Variants in ARID2 observed in about 807,000 individuals in gnomAD.
The protein encoded by ARID2 is AT-rich interaction domain 2, also known as AT-rich interactive domain-containing protein 2.
ARID2 carries 32 observed loss-of-function variants against 184.6 expected under a neutral mutation model. The ratio of observed to expected loss-of-function variants is 0.17; its 90% CI spans 0.13 to 0.23. The LOEUF (loss-of-function observed/expected upper bound fraction) is 0.23, where lower values mean the gene tolerates loss of function less well. Ranked by LOEUF, ARID2 falls within the 10% of genes least tolerant of loss-of-function variation. The pLI is 1.00. For synonymous variants in ARID2, 836 were observed against 772.6 expected (o/e 1.08, Z -1.36); for missense variants, 1,696 against 2,197.6 (o/e 0.77, Z 4.56).
At chr12:45,801,164 T>C (rs547700502) in intron 3 of ARID2, among the ~76,000 whole-genome samples, 4 of 152,008 alleles carry the variant, frequency 2.6e-5, no homozygotes, top group African/African-American at 9.6e-5. Context: ...TACAAAAAAT[T>C]AGCCACGCGC....
chr12:45,730,391 G>T (rs1335892766), intron 2 of ARID2, among the ~76,000 whole-genome samples: 2 of 145,960 alleles, frequency 1.4e-5, no homozygotes, highest in African/African-American at 4.9e-5. Context: ...CCCGGTGCCC[G>T]GTCGGGCCGG....
intron 3 of ARID2, among the ~76,000 whole-genome samples, chr12:45,776,852 G>A (rs1305582651): frequency 1.4e-5 from 2 of 147,536 alleles, no homozygotes; most frequent in Admixed American, 7.0e-5. Flanking sequence ...CCGTGATCTC[G>A]GCTCACTGCA....
At position 45,850,942 on chromosome 12, in the gene ARID2, C is replaced by T. The variant is rs1340210304; in HGVS notation, c.2819C>T (p.Ala940Val). Residue 940 changes from alanine (A) to valine (V), a missense_variant, in exon 15 of 21, where the codon GCA becomes GTA. Ala to Val is a moderately conservative substitution (Grantham distance 64). Around this residue, in one of 11 missense-constraint regions of ARID2, gnomAD observed 713 missense variants for 824.4 expected, o/e 0.86. Coordinates refer to ENST00000334344, the MANE Select transcript of ARID2 (RefSeq NM_152641.4). ...SQPAQQGQTY[A>V]PAIHQIVLAN... ...CCAGCTCAACAAGGTCAAACTTATGCACCAGCCATTCACCAAATTGTTCTT... is the reference window on the plus strand; with the variant it reads ...CCAGCTCAACAAGGTCAAACTTATGTACCAGCCATTCACCAAATTGTTCTT... 3 of 1,614,182 alleles carry T rather than the reference C, an allele frequency of 1.9e-6. No homozygotes were observed. Among genetic ancestry groups the T allele is most frequent in the Middle Eastern group, 1.6e-4 (1 of 6,062 alleles).
At chr12:45,879,118 A>C (rs761522520) in intron 16 of ARID2, among the ~76,000 whole-genome samples, 6 of 152,194 alleles carry the variant, frequency 3.9e-5, no homozygotes, top group Non-Finnish European at 7.4e-5. Flanking sequence ...GAAATATTCT[A>C]TAATCTTATG....
At chr12:45,840,371 A>G (rs1943322192) in intron 11 of ARID2, 1 of 151,856 alleles carries the variant, frequency 6.6e-6, no homozygotes, top group South Asian at 2.1e-4. Context: ...TCAATTTTTT[A>G]CTCCTTCAGT....
At chr12:45,800,892 G>A (rs900840017) in intron 3 of ARID2, among the ~76,000 whole-genome samples, 4 of 152,080 alleles carry the variant, frequency 2.6e-5, no homozygotes, top group Non-Finnish European at 4.4e-5. Flanking sequence ...ACTGAATAAC[G>A]ATAGGAATGT....
chr12:45,791,651 T>C (rs1331651905), intron 3 of ARID2, among the ~76,000 whole-genome samples: 1 of 152,136 alleles, frequency 6.6e-6, no homozygotes, highest in Non-Finnish European at 1.5e-5. Context: ...TGGAGTGTAG[T>C]GGCCCAATCA....
intron 16 of ARID2, among the ~76,000 whole-genome samples, chr12:45,884,517 A>G (rs1201071203): frequency 6.6e-6 from 1 of 152,250 alleles, no homozygotes; most frequent in Non-Finnish European, 1.5e-5. Context: ...TTTGGCAGGT[A>G]CACATTTTAA....
chr12:45,828,361 C>G (rs1943043660), intron 6 of ARID2, among the ~76,000 whole-genome samples: 1 of 152,040 alleles, frequency 6.6e-6, no homozygotes, highest in African/African-American at 2.4e-5. Context: ...ATTTGTTCTA[C>G]TGTAAAAAGC....
At chr12:45,818,275 T>A (rs1241534148) in intron 5 of ARID2, among the ~76,000 whole-genome samples, 1 of 152,150 alleles carries the variant, frequency 6.6e-6, no homozygotes, top group Admixed American at 6.5e-5. Flanking sequence ...ATTTGAAAAT[T>A]TGTCTTCTAA....
Position 45,860,965 on chromosome 12 carries a change from A to C in ARID2, c.4922+16A>C. On this transcript the variant is annotated intron_variant, in intron 16 of 20. Transcript: ENST00000334344. ...CTTGTAAAAAGTAAATGGCAATTTT[A>C]TTTGATATATAAAAGTATTCTTTGT... is the stretch of plus-strand genomic sequence containing the variant. The C allele has an allele frequency of 6.5e-7, 1 of 1,527,760 alleles. No homozygotes were observed. The highest frequency in any genetic ancestry group is 8.8e-7 in the Non-Finnish European group (1 of 1,136,322). 94.6% of individuals were successfully genotyped at this position (1,527,760 alleles called of 1,614,324 possible).
At chr12:45,746,725 G>A (rs972111727) in intron 3 of ARID2, among the ~76,000 whole-genome samples, 1 of 151,982 alleles carries the variant, frequency 6.6e-6, no homozygotes, top group Non-Finnish European at 1.5e-5. Flanking sequence ...ACAGGACAAA[G>A]GTGTTTAAGA....
At chr12:45,888,584 T>A (rs1432095167) in intron 16 of ARID2, among the ~76,000 whole-genome samples, 1 of 152,190 alleles carries the variant, frequency 6.6e-6, no homozygotes, top group Non-Finnish European at 1.5e-5. Flanking sequence ...GTACCTCCAC[T>A]ACCCCTTACC....
intron 3 of ARID2, among the ~76,000 whole-genome samples, chr12:45,807,401 A>C (rs773896075): frequency 6.6e-6 from 1 of 152,136 alleles, no homozygotes; most frequent in Non-Finnish European, 1.5e-5. Flanking sequence ...GTTTCAGTTT[A>C]TAAGTATTCT....
chr12:45,838,904 C>T (rs371572822), intron 10 of ARID2, among the ~76,000 whole-genome samples: 1 of 146,238 alleles, frequency 6.8e-6, no homozygotes, highest in African/African-American at 2.6e-5. Flanking sequence ...CTCACTCTGT[C>T]GCCCAGGCTG....
At chr12:45,758,602 C>A (rs1412554943) in intron 3 of ARID2, among the ~76,000 whole-genome samples, 2 of 152,134 alleles carry the variant, frequency 1.3e-5, no homozygotes, top group Non-Finnish European at 2.9e-5. Context: ...ATTTGTTTCT[C>A]TCTGATATAA....
chr12:45,888,766 C>T (rs1333643034), intron 16 of ARID2, among the ~76,000 whole-genome samples: 1 of 152,172 alleles, frequency 6.6e-6, no homozygotes, highest in East Asian at 1.9e-4. Flanking sequence ...TTGCCCAGAG[C>T]TGTTGCCTGT....
intron 3 of ARID2, among the ~76,000 whole-genome samples, chr12:45,799,313 T>C (rs1052680058): frequency 2.6e-5 from 4 of 152,146 alleles, no homozygotes; most frequent in African/African-American, 9.7e-5. Context: ...GAAGGTTTGT[T>C]TTTAGATTCA....
chr12:45,736,105 C>A (rs528554000), intron 3 of ARID2, among the ~76,000 whole-genome samples: 3 of 152,170 alleles, frequency 2.0e-5, no homozygotes, highest in Non-Finnish European at 4.4e-5. Flanking sequence ...GCCCTGTAAT[C>A]CCAACACTTT....
Sources: allele counts gnomAD v4.1 joint callset (sites outside exome capture counted in the v4.1 genomes callset), GRCh38; gene constraint gnomAD v4.1.1; regional missense constraint gnomAD v4.1.1; transcripts MANE v1.5; gene names NCBI Gene and HGNC (gene_info 2026-07-23, HGNC 2026-07-21).